TOGARAM2: variants seen among roughly 807,000 people sequenced by gnomAD.
TOGARAM2 encodes TOG array regulator of axonemal microtubules protein 2.
In TOGARAM2, 85 loss-of-function variants were observed where a neutral mutation model predicts 93.3. That is an observed-to-expected ratio of 0.91 (90% CI 0.76 to 1.09). TOGARAM2 has a LOEUF of 1.09. Ranked by LOEUF, TOGARAM2 falls within the 50% of genes least tolerant of loss-of-function variation. TOGARAM2 has a pLI of 0.00. For synonymous variants in TOGARAM2, 593 were observed against 552.8 expected (o/e 1.07, Z -1.02); for missense variants, 1,277 against 1,334.5 (o/e 0.96, Z 0.67).
intron 18 of TOGARAM2, among the ~76,000 whole-genome samples, chr2:29,041,275 C>T (rs559355219): frequency 3.5e-4 from 53 of 152,290 alleles, no homozygotes; most frequent in Admixed American, 5.9e-4. Flanking sequence ...CTGCTCACCT[C>T]GGCCTCCCAA....
chr2:29,051,968 G>C lies in TOGARAM2; in HGVS notation c.2935G>C (p.Val979Leu). Residue 979 changes from valine (V) to leucine (L), a missense_variant, in exon 20 of 20, where the codon GTC becomes CTC. Val to Leu is a conservative substitution (Grantham distance 32). Coordinates refer to ENST00000379558, the MANE Select transcript of TOGARAM2 (RefSeq NM_199280.4). ...LDFAASQPKH[V>L]LKTLQELLDS... ...CTTTGCCGCCAGCCAGCCAAAGCAC[G>C]TCCTCAAGACGCTCCAGGAACTCTT... 2 of 1,612,354 alleles carry C rather than the reference G, an allele frequency of 1.2e-6. No individual in the cohort carries two copies. The highest frequency in any genetic ancestry group is 1.7e-6 in the Non-Finnish European group (2 of 1,179,426).
At chr2:29,049,255 A>AC (rs1666939595) in intron 19 of TOGARAM2, 1 of 151,974 alleles carries the variant, frequency 6.6e-6, no homozygotes, top group East Asian at 1.9e-4. Flanking sequence ...CCCACCTGGG[A>AC]CCCCCACAGT....
At chr2:28,956,543 C>G (rs556297938), upstream of TOGARAM2, 1 of 152,258 alleles carries the variant, frequency 6.6e-6, no homozygotes, top group South Asian at 2.1e-4. The surrounding 1 kb of genome is among the most constrained non-coding windows in gnomAD (Gnocchi z 4.5). Flanking sequence ...CCACGTGATG[C>G]TGCTGCTGCT....
intron 18 of TOGARAM2, among the ~76,000 whole-genome samples, chr2:29,039,847 G>A (rs1011182008): frequency 1.3e-5 from 2 of 152,194 alleles, no homozygotes; most frequent in African/African-American, 4.8e-5. Context: ...TATTGGGTTA[G>A]TTACAGAAGA....
intron 6 of TOGARAM2, among the ~76,000 whole-genome samples, chr2:29,008,196 G>T (rs1385040228): frequency 2.0e-5 from 3 of 151,998 alleles, no homozygotes; most frequent in African/African-American, 7.3e-5. Context: ...TGTCACCCAG[G>T]CTGGAGTGCA....
chr2:29,000,557 C>T (rs1366780828), intron 4 of TOGARAM2, among the ~76,000 whole-genome samples: 1 of 152,170 alleles, frequency 6.6e-6, no homozygotes, highest in Non-Finnish European at 1.5e-5. Flanking sequence ...GTGAATCATA[C>T]GGGCTCTTTT....
intron 1 of TOGARAM2, among the ~76,000 whole-genome samples, chr2:28,985,601 G>A (rs1367738571): frequency 6.6e-6 from 1 of 152,176 alleles, no homozygotes; most frequent in Non-Finnish European, 1.5e-5. Flanking sequence ...GATACACAAA[G>A]GTGGGGGCAG....
At chr2:29,011,554 G>A in intron 7 of TOGARAM2, 53 bp downstream of exon 7, 2 of 1,535,708 alleles carry the variant, frequency 1.3e-6, no homozygotes, top group Non-Finnish European at 1.8e-6. Flanking sequence ...CTACATTCCT[G>A]GGCTGGGTCA....
intron 1 of TOGARAM2, among the ~76,000 whole-genome samples, chr2:28,993,546 C>T (rs1298145643): frequency 6.6e-6 from 1 of 152,232 alleles, no homozygotes; most frequent in Non-Finnish European, 1.5e-5. Flanking sequence ...GACTGCTTTT[C>T]ACCACCGTGT....
intron 1 of TOGARAM2, among the ~76,000 whole-genome samples, chr2:28,958,008 C>T (rs925835326): frequency 6.6e-6 from 1 of 152,044 alleles, no homozygotes; most frequent in African/African-American, 2.4e-5. Flanking sequence ...GAAGCCATTA[C>T]AGTCATGACA....
chr2:29,037,907 A>G (rs986288228), intron 18 of TOGARAM2, among the ~76,000 whole-genome samples: 1 of 152,154 alleles, frequency 6.6e-6, no homozygotes, highest in African/African-American at 2.4e-5. Context: ...CCTTGGATTT[A>G]TTGGGAAAAC....
At chr2:29,020,579 G>A (rs546347794) in intron 10 of TOGARAM2, among the ~76,000 whole-genome samples, 21 of 152,356 alleles carry the variant, frequency 1.4e-4, no homozygotes, top group African/African-American at 4.1e-4. Flanking sequence ...GACACTGGAG[G>A]CTGGAATCCC....
intron 1 of TOGARAM2, among the ~76,000 whole-genome samples, chr2:28,957,580 G>A (rs1671741957): frequency 6.6e-6 from 1 of 152,168 alleles, no homozygotes; most frequent in Non-Finnish European, 1.5e-5. Context: ...GGAAATTGTG[G>A]CTCTTCTCCC....
At chr2:29,020,437 G>C (rs1664865863) in intron 10 of TOGARAM2, among the ~76,000 whole-genome samples, 1 of 152,206 alleles carries the variant, frequency 6.6e-6, no homozygotes, top group African/African-American at 2.4e-5. Context: ...GGTGAGCTCA[G>C]CTCAGGATCT....
intron 19 of TOGARAM2, chr2:29,047,587 C>T (rs1227337730): frequency 6.6e-6 from 1 of 152,242 alleles, no homozygotes; most frequent in Non-Finnish European, 1.5e-5. Flanking sequence ...CTTGCTCCCG[C>T]ATGCTGGCCC....
intron 6 of TOGARAM2, among the ~76,000 whole-genome samples, chr2:29,005,056 G>A (rs111067257): frequency 1.5e-5 from 2 of 131,642 alleles, no homozygotes; most frequent in African/African-American, 6.0e-5. Context: ...GCATGTGTAT[G>A]TGTGTGAGTG....
intron 18 of TOGARAM2, among the ~76,000 whole-genome samples, chr2:29,040,965 C>T (rs1413145025): frequency 6.6e-6 from 1 of 151,696 alleles, no homozygotes. Context: ...TTTGGATTCG[C>T]ATCCTGCTTT....
chr2:29,003,812 T>A (rs1019315642), intron 6 of TOGARAM2, 130 bp downstream of exon 6: 143 of 905,920 alleles, frequency 1.6e-4, no homozygotes, highest in Non-Finnish European at 1.5e-4. Context: ...GGGAAAGGGC[T>A]GGGGGCTCCA....
chr2:28,964,537 T>C lies in TOGARAM2; in HGVS notation c.-147+7840T>C, dbSNP rs138184470. Among the ~76,000 whole-genome samples the C allele has an allele frequency of 1.6e-3, 247 of 152,088 alleles. 3 individuals carry two copies. The East Asian group carries it at 0.04, about 24-fold the overall frequency. On this transcript the variant is annotated intron_variant, in intron 1 of 6. Coordinates refer to the TOGARAM2 transcript ENST00000401723. ...CTGGAGGATGTGCAGGTTTGTTACA[T>C]AGGTAAACGTGTGCCACGGTGGTTT... is the stretch of plus-strand genomic sequence containing the variant.
Sources: allele counts gnomAD v4.1 joint callset (sites outside exome capture counted in the v4.1 genomes callset), GRCh38; gene constraint gnomAD v4.1.1; non-coding constraint Gnocchi (gnomAD v3.1); transcripts MANE v1.5; gene names NCBI Gene and HGNC (gene_info 2026-07-23, HGNC 2026-07-21).